Variants in PCDH11X observed in about 807,000 individuals in gnomAD.
PCDH11X encodes protocadherin 11 X-linked, also known as protocadherin-11 X-linked.
Under a neutral mutation model 53.3 loss-of-function variants are expected in PCDH11X, and 18 were observed. That is an observed-to-expected ratio of 0.34 (90% confidence interval 0.23 to 0.50). The LOEUF (loss-of-function observed/expected upper bound fraction) is 0.50, where lower values mean the gene tolerates loss of function less well. Ranked by LOEUF, PCDH11X falls within the 20% of genes least tolerant of loss-of-function variation. The probability of loss-of-function intolerance (pLI) is 0.98; values close to 1 mark genes in which losing one functional copy is unlikely to be tolerated. For synonymous variants in PCDH11X, 279 were observed against 393.3 expected (o/e 0.71, Z 3.44); for missense variants, 570 against 1,032.4 (o/e 0.55, Z 6.14).
intron 6 of PCDH11X, among the ~76,000 whole-genome samples, chrX:91,926,884 T>C (rs1941965746): frequency 9.0e-6 from 1 of 110,922 alleles, no homozygotes; most frequent in Admixed American, 9.7e-5. Context: ...CATCCTACAA[T>C]GCTATAGAAT....
chrX:91,781,107 A>C (rs1015500887), intron 1 of PCDH11X, among the ~76,000 whole-genome samples: 6 of 112,387 alleles, frequency 5.3e-5, no homozygotes. Context: ...ACTGCGGCAC[A>C]CACCCACAAA....
chrX:92,041,492 T>C (rs1464581048), intron 6 of PCDH11X, among the ~76,000 whole-genome samples: 1 of 110,499 alleles, frequency 9.0e-6, no homozygotes, highest in Non-Finnish European at 1.9e-5. Context: ...CCAAGATATA[T>C]GCTTCTTCCT....
At chrX:92,214,340 ATC>A (rs1245775273) in intron 7 of PCDH11X, among the ~76,000 whole-genome samples, 1 of 111,718 alleles carries the variant, frequency 9.0e-6, no homozygotes, top group African/African-American at 3.3e-5. Context: ...TGCAGAAAAA[ATC>A]ATGTGATCAA....
intron 8 of PCDH11X, chrX:92,287,847 G>A: frequency 1.3e-5 from 6 of 462,480 alleles, no homozygotes; most frequent in Non-Finnish European, 2.3e-5. Flanking sequence ...TTGGCTCATG[G>A]GGGCATATTT....
Position 91,835,724 on chromosome X carries a change from C to G in PCDH11X, c.220C>G (p.Leu74Val). The change falls in exon 5 of 11, where the codon CTG becomes GTG. Residue 74 changes from leucine to valine, a missense_variant. Physicochemically the swap from Leu to Val is conservative, Grantham distance 32. Coordinates refer to ENST00000682573, the MANE Select transcript of PCDH11X (RefSeq NM_032968.5). ...AGTGTACAAGACCGGAGATGTGCCA[C>G]TGATTCGAATTGAAGAGGATACTGG... ...KLVYKTGDVP[L>V]IRIEEDTGEI... 1.7e-6 allele frequency: 2 copies of G among 1,211,521 alleles called. No homozygotes were observed. The highest frequency in any genetic ancestry group is 3.0e-5 in the East Asian group (1 of 33,839).
At chrX:91,905,101 A>ATTG (rs1385576439) in intron 6 of PCDH11X, among the ~76,000 whole-genome samples, 15 of 55,228 alleles carry the variant, frequency 2.7e-4, no homozygotes, top group African/African-American at 9.6e-4. Flanking sequence ...TTTTTTGTTT[A>ATTG]TTATTATTAT....
rs1411790122 is a variant in PCDH11X at position 92,506,224 on chromosome X, T to TC, written c.3367+37902_3367+37903insC. Among the ~76,000 whole-genome samples, 5 of 89,311 alleles carry TC rather than the reference T, an allele frequency of 5.6e-5. 1 individual carries two copies. The highest frequency in any genetic ancestry group is 1.1e-3 in the South Asian group (2 of 1,846). 77.6% of individuals were successfully genotyped at this position (89,311 alleles called of 115,157 possible). A position where few individuals can be genotyped will look rare whatever the true frequency, so the allele number is the denominator to read the frequency against. On this transcript the variant is annotated intron_variant, in intron 10 of 10. Coordinates refer to ENST00000682573, the MANE Select transcript of PCDH11X (RefSeq NM_032968.5). ...ACATTTTCTTTTCTTTTCTTTTTTTTTTTTTTTTTTTTTTGCCTGATTGCT... is the reference window on the plus strand; with the variant it reads ...ACATTTTCTTTTCTTTTCTTTTTTTTCTTTTTTTTTTTTTTGCCTGATTGCT...
chrX:92,404,294 A>G (rs1660429024), intron 9 of PCDH11X, among the ~76,000 whole-genome samples: 2 of 105,738 alleles, frequency 1.9e-5, no homozygotes. Flanking sequence ...GAGTAAAAAT[A>G]GAAATGCATA....
intron 6 of PCDH11X, chrX:92,114,063 G>A: frequency 8.5e-7 from 1 of 1,181,395 alleles, no homozygotes; most frequent in Non-Finnish European, 1.2e-6. Context: ...CCCTGATACA[G>A]GCATGACAGG....
At chrX:91,973,181 C>T (rs1212570526) in intron 6 of PCDH11X, among the ~76,000 whole-genome samples, 6 of 104,449 alleles carry the variant, frequency 5.7e-5, no homozygotes, top group African/African-American at 2.1e-4. Context: ...AGTAAACTAT[C>T]GCAAGAACAG....
chrX:91,896,647 C>T (rs1940763953), intron 6 of PCDH11X, among the ~76,000 whole-genome samples: 1 of 61,085 alleles, frequency 1.6e-5, no homozygotes, highest in Non-Finnish European at 3.0e-5. Context: ...AGAGAAAGAA[C>T]TGACCTTTAA....
In PCDH11X at chrX:91,897,743, G is replaced by C. The variant is rs547010187; in HGVS notation, c.3033+18470G>C. 1.3e-3 allele frequency among the ~76,000 whole-genome samples: 139 copies of C among 109,084 alleles called. 3 individuals carry two copies. In the South Asian group the frequency reaches 0.055, roughly 43 times the overall value. The allele number at this position is 109,084 out of a possible 115,157, so 94.7% of individuals were successfully genotyped here. A position where few individuals can be genotyped will look rare whatever the true frequency, so the allele number is the denominator to read the frequency against. ...CTATAAATACATTTTGTTCCAAAGA[G>C]GCAAAGTTCATCATTTATTTAGGAA... On this transcript the variant is annotated intron_variant, in intron 6 of 10. Coordinates refer to ENST00000682573, the MANE Select transcript of PCDH11X (RefSeq NM_032968.5).
At chrX:92,317,108 G>C (rs35493849) in intron 8 of PCDH11X, among the ~76,000 whole-genome samples, 1 of 111,058 alleles carries the variant, frequency 9.0e-6, no homozygotes, top group Non-Finnish European at 1.9e-5. Context: ...AATATGATGC[G>C]GACAAGAGTG....
chrX:92,359,680 T>A (rs748525492), intron 8 of PCDH11X, among the ~76,000 whole-genome samples: 1 of 111,108 alleles, frequency 9.0e-6, no homozygotes, highest in South Asian at 3.8e-4. Flanking sequence ...ATATGATATC[T>A]AACTATCTCT....
chrX:91,867,214 GA>G (rs757243423), intron 5 of PCDH11X, among the ~76,000 whole-genome samples: 1 of 111,428 alleles, frequency 9.0e-6, no homozygotes, highest in South Asian at 3.7e-4. Flanking sequence ...TGCACTTGAA[GA>G]AAAAAATCAC....
At chrX:92,285,246 A>ATTTTTT (rs36047305) in intron 8 of PCDH11X, among the ~76,000 whole-genome samples, 2 of 40,775 alleles carry the variant, frequency 4.9e-5, no homozygotes, top group African/African-American at 1.7e-4. Flanking sequence ...AGACTGTAGA[A>ATTTTTT]TTTTTTTTTT....
At chrX:92,114,297 G>A in intron 6 of PCDH11X, 1 of 867,556 alleles carries the variant, frequency 1.2e-6, no homozygotes. Context: ...GGATGGCAGA[G>A]GGCTTCTCAA....
At chrX:91,868,444 T>G (rs1336471780) in intron 5 of PCDH11X, among the ~76,000 whole-genome samples, 1 of 111,571 alleles carries the variant, frequency 9.0e-6, no homozygotes, top group Admixed American at 9.5e-5. Context: ...AAAGGAGATT[T>G]CTGGACTTTG....
chrX:92,147,835 C>CTTTCTTTCTTTCTTTCTTTCT lies in PCDH11X; in HGVS notation c.3034-53521_3034-53520insCTTTTCTTTCTTTCTTTCTTT, dbSNP rs1556066191. ...CCTTTCTTTCTTTCTTTCTTTCTTT[C>CTTTCTTTCTTTCTTTCTTTCT]TTTCTTTCTTTCTTTCTTTTTTCTT... On this transcript the variant is annotated intron_variant, in intron 6 of 10. Transcript: ENST00000682573. Among the ~76,000 whole-genome samples, 4 of 89,283 alleles carry CTTTCTTTCTTTCTTTCTTTCT rather than the reference C, an allele frequency of 4.5e-5. No homozygotes were observed. The East Asian group carries it at 1.0e-3, about 22-fold the overall frequency. 77.5% of individuals were successfully genotyped at this position (89,283 alleles called of 115,157 possible). A position where few individuals can be genotyped will look rare whatever the true frequency, so the allele number is the denominator to read the frequency against.
Sources: allele counts gnomAD v4.1 joint callset (sites outside exome capture counted in the v4.1 genomes callset), GRCh38; gene constraint gnomAD v4.1.1; transcripts MANE v1.5; gene names NCBI Gene and HGNC (gene_info 2026-07-23, HGNC 2026-07-21).